The following BCHE variants were observed in gnomAD, a reference collection of about 807,000 sequenced individuals.
The protein encoded by BCHE is butyrylcholinesterase.
In BCHE, 48 loss-of-function variants were observed where a neutral mutation model predicts 51.3. That is an observed-to-expected ratio of 0.94 (90% CI 0.74 to 1.19). The LOEUF (loss-of-function observed/expected upper bound fraction) is 1.19. Among genes scored for constraint, BCHE ranks in the 50% most tolerant of loss-of-function variants. The pLI is 0.00. For missense variants in BCHE, 847 were observed against 708.2 expected, an observed-to-expected ratio of 1.20 and a Z score of -2.23; for synonymous variants, 251 against 238.0, an observed-to-expected ratio of 1.05 and a Z score of -0.50.
intron 2 of BCHE, among the ~76,000 whole-genome samples, chr3:165,790,233 G>A (rs1288911160): frequency 6.6e-6 from 1 of 152,010 alleles, no homozygotes; most frequent in African/African-American, 2.4e-5. Context: ...TTAACCATGC[G>A]AACAATGATT....
Position 165,786,287 on chromosome 3 carries a change from A to G in BCHE, c.1542T>C (p.Asn514=). ...TTTTGAAGACAGGCCAGCTTGTGCT[A>G]TTGTTCTGAGTCTCATTTGGATTCC... The part of the protein sequence containing the change: ...KYGNPNETQN[N]STSWPVFKST... The change falls in exon 3 of 4, where the codon AAT becomes AAC. Residue 514 remains asparagine (N), a synonymous_variant. Coordinates refer to ENST00000264381, the MANE Select transcript of BCHE (RefSeq NM_000055.4). 1 of 1,611,626 alleles carries G rather than the reference A, an allele frequency of 6.2e-7. No homozygotes were observed. The highest frequency in any genetic ancestry group is 1.1e-5 in the South Asian group (1 of 91,006).
intron 2 of BCHE, among the ~76,000 whole-genome samples, chr3:165,817,618 A>C (rs1182316455): frequency 1.3e-5 from 2 of 151,982 alleles, no homozygotes; most frequent in African/African-American, 2.4e-5. Flanking sequence ...CCAGATATTC[A>C]CATGATTTAC....
chr3:165,807,720 AT>A (rs918506463), intron 2 of BCHE, among the ~76,000 whole-genome samples: 12 of 147,672 alleles, frequency 8.1e-5, no homozygotes, highest in South Asian at 6.4e-4. Flanking sequence ...ACACTTGGCA[AT>A]TTTTTTTTTG....
At chr3:165,818,678 A>G (rs771884419) in intron 2 of BCHE, among the ~76,000 whole-genome samples, 28 of 152,262 alleles carry the variant, frequency 1.8e-4, no homozygotes, top group Non-Finnish European at 2.9e-4. Context: ...ACCAACACGA[A>G]GATCATGAAG....
At chr3:165,800,749 A>G (rs914805525) in intron 2 of BCHE, among the ~76,000 whole-genome samples, 1 of 152,104 alleles carries the variant, frequency 6.6e-6, no homozygotes, top group African/African-American at 2.4e-5. Flanking sequence ...TTTTTCAGGA[A>G]GCTGTTTGTT....
Position 165,830,596 on chromosome 3 carries a change from A to T in BCHE, c.438T>A (p.Phe146Leu), listed in dbSNP as rs775692720. 1 of 1,614,042 alleles carries T rather than the reference A, an allele frequency of 6.2e-7. No homozygotes were observed. Among genetic ancestry groups the T allele is most frequent in the South Asian group, 1.1e-5 (1 of 91,084 alleles). The change falls in exon 2 of 4, where the codon TTT (phenylalanine) becomes TTA (leucine). Residue 146 changes from phenylalanine to leucine, a missense_variant. Physicochemically the swap from Phe to Leu is conservative, Grantham distance 22 (BLOSUM62 0). Transcript: ENST00000264381. ...CATGTAAAGATGATGTTCCAGTTTGAAAACCACCACCATAAATCCATATCA... is the reference window on the plus strand; with the variant it reads ...CATGTAAAGATGATGTTCCAGTTTGTAAACCACCACCATAAATCCATATCA... ...TVLIWIYGGG[F>L]QTGTSSLHVY... is the part of the protein sequence containing the mutation.
At chr3:165,777,433 G>A (rs1205960477) in intron 3 of BCHE, among the ~76,000 whole-genome samples, 1 of 151,652 alleles carries the variant, frequency 6.6e-6, no homozygotes, top group Non-Finnish European at 1.5e-5. Context: ...ATGTAAAATA[G>A]GGAACTGTAT....
At position 165,818,560 on chromosome 3, in the gene BCHE, A is replaced by C. The variant is rs369007405; in HGVS notation, c.1517+10957T>G. Among the ~76,000 whole-genome samples the C allele has an allele frequency of 7.2e-5, 11 of 152,274 alleles. No homozygotes were observed. The South Asian group carries it at 2.1e-3, about 29-fold the overall frequency. The stretch of plus-strand genomic sequence containing the variant: ...CAGTAGCTTTCTTTGTAAAATAGGG[A>C]TATTAATGCATTTTACACAGAGTGG... On this transcript the variant is annotated intron_variant, in intron 2 of 3. Coordinates refer to ENST00000264381, the MANE Select transcript of BCHE (RefSeq NM_000055.4).
At chr3:165,789,294 CA>C (rs72587739) in intron 2 of BCHE, among the ~76,000 whole-genome samples, 1 of 109,420 alleles carries the variant, frequency 9.1e-6, no homozygotes, top group Admixed American at 1.0e-4. Context: ...AACTTAACAA[CA>C]AAAAAAAGCA....
chr3:165,828,290 A>G (rs1418022277), intron 2 of BCHE, among the ~76,000 whole-genome samples: 1 of 152,174 alleles, frequency 6.6e-6, no homozygotes, highest in East Asian at 1.9e-4. Flanking sequence ...AGTTAAACTC[A>G]GAATCTTTGG....
At chr3:165,815,382 G>A (rs1039242273) in intron 2 of BCHE, among the ~76,000 whole-genome samples, 1 of 152,000 alleles carries the variant, frequency 6.6e-6, no homozygotes, top group Non-Finnish European at 1.5e-5. Flanking sequence ...ACACCACAAA[G>A]TTCAATTTGG....
At chr3:165,789,436 T>C (rs1713086451) in intron 2 of BCHE, among the ~76,000 whole-genome samples, 1 of 152,102 alleles carries the variant, frequency 6.6e-6, no homozygotes, top group Admixed American at 6.6e-5. Flanking sequence ...GATGCCCTGA[T>C]ATGAAGAAAA....
At chr3:165,822,684 A>G (rs902269206) in intron 2 of BCHE, among the ~76,000 whole-genome samples, 4 of 152,076 alleles carry the variant, frequency 2.6e-5, no homozygotes, top group Non-Finnish European at 4.4e-5. Flanking sequence ...ATACAGCACC[A>G]AGGGAGGATA....
chr3:165,827,121 C>T lies in BCHE; in HGVS notation c.1517+2396G>A, dbSNP rs58142134. Among the ~76,000 whole-genome samples the T allele has an allele frequency of 3.2e-3, 494 of 152,144 alleles. 6 individuals carry two copies. Among genetic ancestry groups the T allele is most frequent in the East Asian group, 0.019 (96 of 5,172 alleles). On this transcript the variant is annotated intron_variant, in intron 2 of 3. Coordinates refer to ENST00000264381, the MANE Select transcript of BCHE (RefSeq NM_000055.4). ...CAGTTATCAACTTTGTTTCCACTGC[C>T]GTTCACTTAATTATTCAAAGCTTCT...
intron 2 of BCHE, among the ~76,000 whole-genome samples, chr3:165,810,904 A>G (rs1714067597): frequency 6.6e-6 from 1 of 152,192 alleles, no homozygotes; most frequent in Non-Finnish European, 1.5e-5. Flanking sequence ...TTCTAAGAAC[A>G]GAGGTTTGGC....
chr3:165,790,395 G>T (rs1045324444), intron 2 of BCHE, among the ~76,000 whole-genome samples: 1 of 152,084 alleles, frequency 6.6e-6, no homozygotes, highest in East Asian at 1.9e-4. Context: ...TTTGCATTTG[G>T]AACATTCTAA....
intron 2 of BCHE, among the ~76,000 whole-genome samples, chr3:165,821,357 C>A (rs1714507034): frequency 6.6e-6 from 1 of 150,824 alleles, no homozygotes; most frequent in Non-Finnish European, 1.5e-5. Context: ...AATGAAGTAG[C>A]ACGATTTCTC....
At chr3:165,809,754 T>C (rs541856756) in intron 2 of BCHE, among the ~76,000 whole-genome samples, 1 of 152,266 alleles carries the variant, frequency 6.6e-6, no homozygotes, top group African/African-American at 2.4e-5. Context: ...AATGATAATG[T>C]ACACAAATCC....
chr3:165,832,235 A>T (rs564834538), intron 1 of BCHE, among the ~76,000 whole-genome samples: 1 of 152,334 alleles, frequency 6.6e-6, no homozygotes, highest in Admixed American at 6.5e-5. Flanking sequence ...ATTAAAAATC[A>T]GATTTGGAAA....
Sources: gnomAD v4.1 joint callset for allele counts (sites outside exome capture counted in the v4.1 genomes callset) on GRCh38, gnomAD v4.1.1 for gene constraint, MANE v1.5 for transcripts, NCBI Gene and HGNC (gene_info 2026-07-23, HGNC 2026-07-21) for gene names.